PCSK5: variants seen among roughly 807,000 people sequenced by gnomAD.
The protein encoded by PCSK5 is proprotein convertase subtilisin/kexin type 5.
PCSK5 carries 129 observed loss-of-function variants against 233.2 expected under a neutral mutation model. The observed-to-expected ratio is 0.55, with a 90% confidence interval of 0.48 to 0.64. The LOEUF is 0.64. PCSK5 is among the 30% of genes least tolerant of loss of function. The pLI is 0.00. For synonymous variants in PCSK5, 825 were observed against 879.2 expected (o/e 0.94, Z 1.09); for missense variants, 2,076 against 2,430.1 (o/e 0.85, Z 3.06).
At chr9:75,898,761 AGTTTATATTGAG>A (rs968973985) in intron 1 of PCSK5, among the ~76,000 whole-genome samples, 255 of 152,258 alleles carry the variant, frequency 1.7e-3, no homozygotes, top group African/African-American at 6.0e-3. Context: ...TTTATATTGA[AGTTTATATTGAG>A]GATCTCTGAG....
At chr9:76,046,172 T>TG (rs1563992976) in intron 5 of PCSK5, among the ~76,000 whole-genome samples, 96 of 107,652 alleles carry the variant, frequency 8.9e-4, no homozygotes, top group Middle Eastern at 4.4e-3. Flanking sequence ...TTTTTTTTTT[T>TG]TTTTTTTTTT....
At chr9:76,042,724 G>A (rs922284502) in intron 5 of PCSK5, among the ~76,000 whole-genome samples, 3 of 152,260 alleles carry the variant, frequency 2.0e-5, no homozygotes, top group Admixed American at 2.0e-4. Context: ...GCCTGAGGAA[G>A]TATTTTCCCT....
chr9:76,273,824 T>A (rs998836093), intron 24 of PCSK5, among the ~76,000 whole-genome samples: 1 of 150,630 alleles, frequency 6.6e-6, no homozygotes, highest in African/African-American at 2.4e-5. Context: ...TTTCTTTTTT[T>A]TTTTGTAGAG....
intron 20 of PCSK5, among the ~76,000 whole-genome samples, chr9:76,199,082 T>C (rs189737160): frequency 1.3e-5 from 2 of 152,328 alleles, no homozygotes; most frequent in East Asian, 1.9e-4. Flanking sequence ...TAAGAAAGTA[T>C]ACTTACAGCC....
intron 33 of PCSK5, among the ~76,000 whole-genome samples, chr9:76,329,178 G>A (rs150123077): frequency 6.6e-6 from 1 of 151,476 alleles, no homozygotes; most frequent in African/African-American, 2.4e-5. Context: ...CAGTACCCAG[G>A]CTGTTGGAGT....
At chr9:76,058,711 C>T (rs1829916187) in intron 5 of PCSK5, among the ~76,000 whole-genome samples, 5 of 152,064 alleles carry the variant, frequency 3.3e-5, no homozygotes, top group Admixed American at 3.3e-4. Context: ...GGGCAGCAGA[C>T]ACATCAGTGG....
At chr9:76,169,581 A>G in intron 12 of PCSK5, 123 bp from the exon 13 acceptor site, 2 of 708,340 alleles carry the variant, frequency 2.8e-6, no homozygotes, top group Non-Finnish European at 4.8e-6. Context: ...TCCAGGATGC[A>G]GACCAGCTCT....
At chr9:76,096,188 TATACAC>T (rs1337607713) in intron 8 of PCSK5, 86 bp downstream of exon 8, 2 of 658,878 alleles carry the variant, frequency 3.0e-6, no homozygotes, top group South Asian at 1.8e-5. Context: ...CATATATATA[TATACAC>T]ACACACACAC....
At chr9:76,238,809 T>A in intron 22 of PCSK5, 150 bp from the exon 23 acceptor site, 1 of 610,450 alleles carries the variant, frequency 1.6e-6, no homozygotes, top group Non-Finnish European at 2.9e-6. Flanking sequence ...GCTATTGCAC[T>A]TTTCATTAAA....
At chr9:76,146,290 T>C (rs2131784511) in intron 10 of PCSK5, among the ~76,000 whole-genome samples, 1 of 152,150 alleles carries the variant, frequency 6.6e-6, no homozygotes, top group East Asian at 1.9e-4. Flanking sequence ...ATACTCAATG[T>C]CATTCTTCCA....
In PCSK5 at chr9:76,201,852, G is replaced by C. The variant is rs562699719; in HGVS notation, c.2626+12106G>C. ...TTGTTTGCATTCTCTAGCCCAAGTT[G>C]AAATGAAGAAGAAATAAAATGGAGT... On this transcript the variant is annotated intron_variant, in intron 20 of 37. Coordinates refer to ENST00000674117, the MANE Select transcript of PCSK5 (RefSeq NM_001372043.1). 3.3e-5 allele frequency among the ~76,000 whole-genome samples: 5 copies of C among 152,206 alleles called. No homozygotes were observed. The South Asian group carries it at 1.0e-3, about 32-fold the overall frequency.
At chr9:76,314,878 G>T (rs1828977899) in intron 30 of PCSK5, among the ~76,000 whole-genome samples, 2 of 151,422 alleles carry the variant, frequency 1.3e-5, no homozygotes, top group Non-Finnish European at 2.9e-5. Context: ...CTGACCTCGT[G>T]ATCCGACCAC....
At chr9:76,121,675 G>A (rs1324526700) in intron 9 of PCSK5, among the ~76,000 whole-genome samples, 1 of 152,114 alleles carries the variant, frequency 6.6e-6, no homozygotes, top group African/African-American at 2.4e-5. Context: ...ATAAATTATG[G>A]AATTTTGCAA....
chr9:76,081,855 T>C (rs182030999), intron 7 of PCSK5, among the ~76,000 whole-genome samples: 1 of 152,248 alleles, frequency 6.6e-6, no homozygotes, highest in East Asian at 1.9e-4. Flanking sequence ...GCATGTACTG[T>C]TTCCTAAAAC....
At chr9:76,093,816 C>T (rs561615198) in intron 7 of PCSK5, among the ~76,000 whole-genome samples, 1 of 152,234 alleles carries the variant, frequency 6.6e-6, no homozygotes, top group East Asian at 1.9e-4. Flanking sequence ...TTCTTTCTTT[C>T]CCTCTGGTAT....
intron 2 of PCSK5, among the ~76,000 whole-genome samples, chr9:75,969,805 A>C (rs1825740483): frequency 6.6e-6 from 1 of 151,590 alleles, no homozygotes; most frequent in Admixed American, 6.6e-5. Flanking sequence ...AACTTGCCTG[A>C]GGTCACCCTA....
At chr9:76,317,794 G>A (rs542658246) in intron 30 of PCSK5, among the ~76,000 whole-genome samples, 2 of 152,308 alleles carry the variant, frequency 1.3e-5, no homozygotes, top group African/African-American at 4.8e-5. Context: ...TGTCATGGCT[G>A]TGAGAAGAAC....
At chr9:75,969,494 C>T (rs928994822) in intron 2 of PCSK5, among the ~76,000 whole-genome samples, 12 of 152,122 alleles carry the variant, frequency 7.9e-5, no homozygotes, top group African/African-American at 2.4e-4. Context: ...AAGCTTATAC[C>T]TAGGGAAATT....
Position 75,892,392 on chromosome 9 carries a change from G to A in PCSK5, c.192+1019G>A, listed in dbSNP as rs183332430. On this transcript the variant is annotated intron_variant, in intron 1 of 37. Transcript: ENST00000674117. ...GGGCTATGAAAGTGGGTCCCAGAAAGTACCCCCCTCCACATACACACCGCA... is the reference window on the plus strand; with the variant it reads ...GGGCTATGAAAGTGGGTCCCAGAAAATACCCCCCTCCACATACACACCGCA... Among the ~76,000 whole-genome samples, 812 of 152,334 alleles carry A rather than the reference G, an allele frequency of 5.3e-3. 8 individuals carry two copies. The highest frequency in any genetic ancestry group is 0.019 in the African/African-American group (773 of 41,578).
Sources: allele counts gnomAD v4.1 joint callset (sites outside exome capture counted in the v4.1 genomes callset), GRCh38; gene constraint gnomAD v4.1.1; transcripts MANE v1.5; gene names NCBI Gene and HGNC (gene_info 2026-07-23, HGNC 2026-07-21).